DTNA: variants seen among roughly 807,000 people sequenced by gnomAD.
The protein encoded by DTNA is dystrophin-related protein 3.
A neutral mutation model predicts 100.7 loss-of-function variants in DTNA; 43 were observed. The ratio of observed to expected loss-of-function variants is 0.43; its 90% confidence interval spans 0.33 to 0.55. The LOEUF (loss-of-function observed/expected upper bound fraction) is 0.55, where lower values mean the gene tolerates loss of function less well. DTNA is among the 20% of genes least tolerant of loss of function. DTNA has a pLI of 0.04. For synonymous variants in DTNA, 349 were observed against 347.9 expected, an observed-to-expected ratio of 1.00 and a Z score of -0.04; for missense variants, 798 against 953.9, an observed-to-expected ratio of 0.84 and a Z score of 2.15.
At position 34,827,777 on chromosome 18, in the gene DTNA, G is replaced by A. The variant is rs1312535794; in HGVS notation, c.1085+101G>A. 4.2e-6 allele frequency: 5 copies of A among 1,188,154 alleles called. No individual in the cohort carries two copies. The East Asian group carries it at 1.2e-4, about 28-fold the overall frequency. 73.6% of individuals were successfully genotyped at this position (1,188,154 alleles called of 1,614,324 possible). A position where few individuals can be genotyped will look rare whatever the true frequency, so the allele number is the denominator to read the frequency against. ...TCATGCAAGCCAAGGGCAGAATATT[G>A]TTACTAGAAACTAACTTGCAAATAT... On this transcript the variant is annotated intron_variant, in intron 10 of 22. Coordinates refer to ENST00000444659, the MANE Select transcript of DTNA (RefSeq NM_001386795.1).
chr18:34,789,928 T>C (rs906731353), intron 3 of DTNA, among the ~76,000 whole-genome samples: 1 of 152,200 alleles, frequency 6.6e-6, no homozygotes, highest in African/African-American at 2.4e-5. Flanking sequence ...GTCATAGTAA[T>C]CATCCGAAAG....
Position 34,650,869 on chromosome 18 carries a change from A to G in DTNA, c.-1-105107A>G, listed in dbSNP as rs2060364068. On this transcript the variant is annotated intron_variant, in intron 1 of 19. Coordinates refer to the DTNA transcript ENST00000283365. ...TTACCTCTAATTCTTCATGTACATT[A>G]GTAATTTATTATAGTTCTACTACCC... 2.0e-5 allele frequency among the ~76,000 whole-genome samples: 3 copies of G among 152,214 alleles called. No individual in the cohort carries two copies. In the South Asian group the frequency reaches 6.2e-4, roughly 31 times the overall value.
chr18:34,546,575 TGAA>T (rs748831258), intron 1 of DTNA, among the ~76,000 whole-genome samples: 29 of 151,968 alleles, frequency 1.9e-4, no homozygotes, highest in Non-Finnish European at 4.0e-4. Flanking sequence ...AACTAAAAAA[TGAA>T]GACATAATCA....
At chr18:34,661,078 C>A (rs929804243) in intron 1 of DTNA, among the ~76,000 whole-genome samples, 109 of 152,268 alleles carry the variant, frequency 7.2e-4, no homozygotes, top group African/African-American at 2.4e-3. Context: ...TTATCTTTCT[C>A]AGTATCATTT....
At chr18:34,635,069 A>T (rs997276093) in intron 1 of DTNA, among the ~76,000 whole-genome samples, 2 of 151,980 alleles carry the variant, frequency 1.3e-5, no homozygotes, top group African/African-American at 4.8e-5. Flanking sequence ...TCTATTCTAC[A>T]TTTCTGTGAA....
chr18:34,684,191 C>T (rs1451558776), intron 1 of DTNA, among the ~76,000 whole-genome samples: 2 of 152,014 alleles, frequency 1.3e-5, no homozygotes, highest in Non-Finnish European at 2.9e-5. Flanking sequence ...GATACATATG[C>T]AGAACGTGCA....
At chr18:34,523,783 T>G (rs1281135079) in intron 1 of DTNA, among the ~76,000 whole-genome samples, 1 of 152,200 alleles carries the variant, frequency 6.6e-6, no homozygotes, top group Non-Finnish European at 1.5e-5. Flanking sequence ...TCGAAGGCTA[T>G]TTTATAATGA....
chr18:34,669,573 C>T (rs1407855424), intron 1 of DTNA, among the ~76,000 whole-genome samples: 2 of 152,078 alleles, frequency 1.3e-5, no homozygotes, highest in African/African-American at 4.8e-5. Context: ...AACAGTTGTC[C>T]CTTTCCATGT....
intron 1 of DTNA, among the ~76,000 whole-genome samples, chr18:34,719,388 C>A (rs959768146): frequency 6.6e-6 from 1 of 151,984 alleles, no homozygotes; most frequent in Admixed American, 6.6e-5. Flanking sequence ...ATCTCTCCAT[C>A]AATCCTCACA....
rs1035172166 is a variant in DTNA, at chr18:34,686,301, G to T, written c.-1-69675G>T. ...TGTCATAAATAGCTCTTATTATTTT[G>T]AGATATGTTCCATCAATACCTAGTT... On this transcript the variant is annotated intron_variant, in intron 1 of 19. Transcript: ENST00000283365. Among the ~76,000 whole-genome samples the T allele has an allele frequency of 2.6e-5, 4 of 152,136 alleles. No individual in the cohort carries two copies. In the East Asian group the frequency reaches 5.8e-4, roughly 22 times the overall value.
chr18:34,544,305 G>C (rs1418453754), intron 1 of DTNA, among the ~76,000 whole-genome samples: 1 of 151,788 alleles, frequency 6.6e-6, no homozygotes, highest in East Asian at 1.9e-4. Context: ...CTAAGTCTAT[G>C]ATTAAATAAA....
At chr18:34,591,512 A>G (rs144276297) in intron 1 of DTNA, among the ~76,000 whole-genome samples, 3 of 152,314 alleles carry the variant, frequency 2.0e-5, no homozygotes, top group Non-Finnish European at 4.4e-5. Flanking sequence ...TGAACCATTG[A>G]TGGCCGCACG....
intron 1 of DTNA, among the ~76,000 whole-genome samples, chr18:34,748,487 G>C (rs1182439088): frequency 6.6e-6 from 1 of 152,126 alleles, no homozygotes; most frequent in Admixed American, 6.6e-5. Flanking sequence ...TTCTTAATAA[G>C]GTGAGAGATG....
At chr18:34,506,418 T>A (rs2040499410) in intron 1 of DTNA, among the ~76,000 whole-genome samples, 1 of 152,182 alleles carries the variant, frequency 6.6e-6, no homozygotes, top group African/African-American at 2.4e-5. Context: ...TATGACATCA[T>A]CACGGTGGGG....
chr18:34,853,607 G>T lies in DTNA; in HGVS notation c.1532+1679G>T, dbSNP rs2149978742. ...TGACTCCATCGCCTTTGAAACTACT[G>T]CTCTACTCTGACCCCCAGGGAGATG... On this transcript the variant is annotated intron_variant, in intron 15 of 22. Coordinates refer to ENST00000444659, the MANE Select transcript of DTNA (RefSeq NM_001386795.1). Among the ~76,000 whole-genome samples, 2 of 152,136 alleles carry T rather than the reference G, an allele frequency of 1.3e-5. 1 individual carries two copies. The highest frequency in any genetic ancestry group is 6.8e-3 in the Middle Eastern group (2 of 294).
intron 1 of DTNA, among the ~76,000 whole-genome samples, chr18:34,616,806 A>G (rs966344297): frequency 2.0e-5 from 3 of 152,140 alleles, no homozygotes; most frequent in African/African-American, 7.2e-5. Context: ...TTCTTTGAGC[A>G]GTGTTTTGTA....
At chr18:34,704,990 C>A (rs1473605530) in intron 1 of DTNA, among the ~76,000 whole-genome samples, 1 of 152,114 alleles carries the variant, frequency 6.6e-6, no homozygotes, top group Non-Finnish European at 1.5e-5. Flanking sequence ...CAGAGAGCGA[C>A]CAGACAGGTA....
At chr18:34,499,180 T>TGA (rs1175230114) in intron 1 of DTNA, among the ~76,000 whole-genome samples, 1 of 152,208 alleles carries the variant, frequency 6.6e-6, no homozygotes, top group African/African-American at 2.4e-5. Flanking sequence ...ATTAATATGT[T>TGA]CTCTATTTCT....
At chr18:34,632,242 A>G (rs1277200057) in intron 1 of DTNA, among the ~76,000 whole-genome samples, 6 of 152,076 alleles carry the variant, frequency 3.9e-5, no homozygotes, top group African/African-American at 1.2e-4. Flanking sequence ...ACAGACATAA[A>G]TGGCTCATAC....
Sources: allele counts gnomAD v4.1 joint callset (sites outside exome capture counted in the v4.1 genomes callset), GRCh38; gene constraint gnomAD v4.1.1; transcripts MANE v1.5; gene names NCBI Gene and HGNC (gene_info 2026-07-23, HGNC 2026-07-21).